The following JAK1 variants were observed in gnomAD, a reference collection of about 807,000 sequenced individuals.
JAK1 encodes the protein Janus kinase 1.
Under a neutral mutation model 136.6 loss-of-function variants are expected in JAK1, and 16 were observed. The ratio of observed to expected loss-of-function variants is 0.12; its 90% CI spans 0.08 to 0.18. The LOEUF (loss-of-function observed/expected upper bound fraction) is 0.18, where lower values mean the gene tolerates loss of function less well. Ranked by LOEUF, JAK1 falls within the 10% of genes least tolerant of loss-of-function variation. JAK1 has a pLI of 1.00. For missense variants in JAK1, 859 were observed against 1,450.1 expected, an observed-to-expected ratio of 0.59 and a Z score of 6.62; for synonymous variants, 492 against 519.5, an observed-to-expected ratio of 0.95 and a Z score of 0.72.
At chr1:64,949,585 GA>G (rs1646046447) in intron 1 of JAK1, among the ~76,000 whole-genome samples, 1 of 152,204 alleles carries the variant, frequency 6.6e-6, no homozygotes, top group South Asian at 2.1e-4. Context: ...GTCCTTTGAA[GA>G]AAACTGTATC....
chr1:64,898,815 C>A (rs1454868157), intron 1 of JAK1, among the ~76,000 whole-genome samples: 1 of 152,132 alleles, frequency 6.6e-6, no homozygotes, highest in Non-Finnish European at 1.5e-5. Flanking sequence ...CATTTCTGGG[C>A]CTGGCCAAAA....
intron 2 of JAK1, chr1:64,985,152 T>A: frequency 7.6e-7 from 1 of 1,312,560 alleles, no homozygotes; most frequent in South Asian, 1.2e-5. Context: ...GAAGATAGTA[T>A]TAACCACACC....
At chr1:65,024,834 A>G (rs1465767067) in intron 2 of JAK1, among the ~76,000 whole-genome samples, 1 of 152,032 alleles carries the variant, frequency 6.6e-6, no homozygotes, top group Non-Finnish European at 1.5e-5. Context: ...AAAATTAGCC[A>G]GTCGTGGTGG....
At chr1:65,066,067 G>T (rs929781939) in intron 1 of JAK1, among the ~76,000 whole-genome samples, 2 of 152,044 alleles carry the variant, frequency 1.3e-5, no homozygotes, top group African/African-American at 4.8e-5. Flanking sequence ...GGATTGCGGA[G>T]AGGACTAACT....
chr1:65,012,467 T>C (rs2100773047), intron 2 of JAK1, among the ~76,000 whole-genome samples: 1 of 152,270 alleles, frequency 6.6e-6, no homozygotes, highest in Non-Finnish European at 1.5e-5. Context: ...ATTAAAATAA[T>C]TATTAGAAAT....
chr1:64,897,509 A>AG (rs1557673513), intron 1 of JAK1, among the ~76,000 whole-genome samples: 1 of 194 alleles, frequency 5.2e-3, no homozygotes, highest in African/African-American at 0.031. Flanking sequence ...AGGAGGGGGG[A>AG]GGGGGAGGGG....
At chr1:64,952,241 G>A (rs1646104933) in intron 1 of JAK1, among the ~76,000 whole-genome samples, 1 of 152,138 alleles carries the variant, frequency 6.6e-6, no homozygotes, top group South Asian at 2.1e-4. Context: ...GTCTTGAGGT[G>A]GTGCCTAGAG....
At chr1:64,868,010 A>AAG (rs139348914) in intron 6 of JAK1, among the ~76,000 whole-genome samples, 2,863 of 146,918 alleles carry the variant, frequency 0.019, 110 homozygotes, top group African/African-American at 0.066. Context: ...CCCCACAAAA[A>AAG]AGAGAGAGAG....
chr1:64,838,931 G>A (rs1182887088), intron 20 of JAK1, among the ~76,000 whole-genome samples: 1 of 151,840 alleles, frequency 6.6e-6, no homozygotes, highest in Non-Finnish European at 1.5e-5. Flanking sequence ...GGATCACGAG[G>A]TCAGGAGATC....
intron 2 of JAK1, among the ~76,000 whole-genome samples, chr1:64,975,057 G>C (rs1013180678): frequency 2.6e-5 from 4 of 151,186 alleles, no homozygotes; most frequent in Non-Finnish European, 4.4e-5. Flanking sequence ...TTACAAGCAT[G>C]TGCCACCATG....
chr1:64,916,012 C>T (rs1404320279), intron 1 of JAK1, among the ~76,000 whole-genome samples: 1 of 152,154 alleles, frequency 6.6e-6, no homozygotes, highest in African/African-American at 2.4e-5. Flanking sequence ...CCAGGACTGA[C>T]CTAAAGACAC....
chr1:64,994,440 T>C (rs1247616962), intron 2 of JAK1, among the ~76,000 whole-genome samples: 1 of 152,170 alleles, frequency 6.6e-6, no homozygotes, highest in Admixed American at 6.5e-5. Flanking sequence ...GAACAGAGAT[T>C]TATTTCATAC....
At chr1:64,846,210 AC>A (rs372254731) in intron 14 of JAK1, among the ~76,000 whole-genome samples, 21 of 152,284 alleles carry the variant, frequency 1.4e-4, no homozygotes, top group African/African-American at 4.1e-4. Flanking sequence ...CCAAGGGCCC[AC>A]CGGCTCAGTG....
intron 1 of JAK1, among the ~76,000 whole-genome samples, chr1:64,928,410 T>C (rs1645619568): frequency 1.3e-5 from 2 of 152,176 alleles, no homozygotes; most frequent in African/African-American, 4.8e-5. Flanking sequence ...AAATCACGCA[T>C]TTCCCTTTCT....
At chr1:64,924,402 T>C (rs1415392254) in intron 1 of JAK1, among the ~76,000 whole-genome samples, 4 of 152,180 alleles carry the variant, frequency 2.6e-5, no homozygotes, top group Non-Finnish European at 5.9e-5. Context: ...GAAAAATTCT[T>C]CTATCCACAG....
rs116143662 is a variant in JAK1, at chr1:64,964,577, A to G, written c.-78+1756T>C. 2.3e-3 allele frequency among the ~76,000 whole-genome samples: 345 copies of G among 152,338 alleles called. 2 individuals carry two copies. Among genetic ancestry groups the G allele is most frequent in the African/African-American group, 8.0e-3 (332 of 41,576 alleles). The stretch of plus-strand genomic sequence containing the variant: ...CTACAATCATTTCCCAATGGTAGTA[A>G]ATAATTAGTATAGTATGAAATGGAG... On this transcript the variant is annotated intron_variant, in intron 1 of 24. Coordinates refer to ENST00000342505, the MANE Select transcript of JAK1 (RefSeq NM_002227.4).
chr1:64,850,947 C>T, intron 11 of JAK1, 37 bp from the exon 12 acceptor site: 2 of 1,432,996 alleles, frequency 1.4e-6, no homozygotes, highest in Admixed American at 1.7e-5. Flanking sequence ...GCACAGCACC[C>T]AAGATCCGAG....
intron 1 of JAK1, among the ~76,000 whole-genome samples, chr1:64,913,014 T>C (rs1046935965): frequency 2.6e-5 from 4 of 152,168 alleles, no homozygotes; most frequent in African/African-American, 9.7e-5. Flanking sequence ...CATATACATA[T>C]AAAAATTATA....
intron 1 of JAK1, among the ~76,000 whole-genome samples, chr1:65,045,783 G>T (rs1460685206): frequency 6.6e-6 from 1 of 152,158 alleles, no homozygotes; most frequent in Middle Eastern, 3.2e-3. Flanking sequence ...GCAAGTTTTT[G>T]AGAGAGAATG....
Sources: allele counts gnomAD v4.1 joint callset (sites outside exome capture counted in the v4.1 genomes callset), GRCh38; gene constraint gnomAD v4.1.1; transcripts MANE v1.5; gene names NCBI Gene and HGNC (gene_info 2026-07-23, HGNC 2026-07-21).